TBC1D14: variants seen among roughly 807,000 people sequenced by gnomAD.
TBC1D14 encodes the protein TBC1 domain family, member 14.
Under a neutral mutation model 79.0 loss-of-function variants are expected in TBC1D14, and 26 were observed. The ratio of observed to expected loss-of-function variants is 0.33; its 90% CI spans 0.24 to 0.46. The LOEUF (loss-of-function observed/expected upper bound fraction) is 0.46. Among genes scored for constraint, TBC1D14 ranks in the 20% least tolerant of loss-of-function variants. The probability of loss-of-function intolerance (pLI) is 1.00; values close to 1 mark genes in which losing one functional copy is unlikely to be tolerated. For missense variants in TBC1D14, 769 were observed against 887.6 expected, an observed-to-expected ratio of 0.87 and a Z score of 1.70; for synonymous variants, 394 against 349.9, an observed-to-expected ratio of 1.13 and a Z score of -1.40.
chr4:6,998,292 G>A (rs1317440427), intron 5 of TBC1D14, among the ~76,000 whole-genome samples: 4 of 151,690 alleles, frequency 2.6e-5, no homozygotes, highest in East Asian at 2.0e-4. Context: ...CCCGGGAGGC[G>A]GAGGTTTCAG....
At chr4:6,970,907 T>C (rs1439144934) in intron 3 of TBC1D14, among the ~76,000 whole-genome samples, 280 of 89,646 alleles carry the variant, frequency 3.1e-3, no homozygotes, top group Middle Eastern at 9.3e-3. Context: ...GAGCCCGTGG[T>C]TGAGCTGGGG....
chr4:6,960,774 G>A (rs937264492), intron 2 of TBC1D14, among the ~76,000 whole-genome samples: 9 of 152,196 alleles, frequency 5.9e-5, no homozygotes, highest in Non-Finnish European at 1.2e-4. Flanking sequence ...GCCTCCAGGC[G>A]GTTTGCTGTT....
chr4:7,003,778 A>C (rs77243525), intron 7 of TBC1D14, among the ~76,000 whole-genome samples: 1 of 134,316 alleles, frequency 7.4e-6, no homozygotes, highest in Non-Finnish European at 1.6e-5. Flanking sequence ...GGCAGGGGGG[A>C]ATCACCTGAG....
Position 6,925,454 on chromosome 4 carries a change from G to A in TBC1D14, c.722+1343G>A, listed in dbSNP as rs569235421. Reference sequence around the variant, plus strand: ...GTGTCCCTTTGAGATGGTGTGGTGTGCCGGCTGGAGTCAGCTGGCGACTCT... The same window carrying A: ...GTGTCCCTTTGAGATGGTGTGGTGTACCGGCTGGAGTCAGCTGGCGACTCT... On this transcript the variant is annotated intron_variant, in intron 2 of 13. Coordinates refer to ENST00000409757, the MANE Select transcript of TBC1D14 (RefSeq NM_020773.3). 7.9e-5 allele frequency among the ~76,000 whole-genome samples: 12 copies of A among 152,276 alleles called. No individual in the cohort carries two copies. The South Asian group carries it at 2.5e-3, about 32-fold the overall frequency.
intron 2 of TBC1D14, among the ~76,000 whole-genome samples, chr4:6,950,200 T>C (rs1305429129): frequency 6.6e-6 from 1 of 152,246 alleles, no homozygotes; most frequent in Non-Finnish European, 1.5e-5. Flanking sequence ...CTGAGAATGA[T>C]GGCTTCCAGC....
intron 2 of TBC1D14, among the ~76,000 whole-genome samples, chr4:6,956,997 A>G (rs547774413): frequency 1.3e-4 from 20 of 152,352 alleles, no homozygotes; most frequent in African/African-American, 4.6e-4. Flanking sequence ...CACACCCCAC[A>G]GCTTTGCCTT....
intron 1 of TBC1D14, among the ~76,000 whole-genome samples, chr4:6,912,076 A>T (rs1723039994): frequency 6.6e-6 from 1 of 152,118 alleles, no homozygotes; most frequent in Non-Finnish European, 1.5e-5. Flanking sequence ...CCAGCTTAAC[A>T]TTTGTTTTAG....
At chr4:7,010,528 G>T in intron 10 of TBC1D14, 125 bp from the exon 11 acceptor site, 1 of 1,187,078 alleles carries the variant, frequency 8.4e-7, no homozygotes, top group Admixed American at 2.9e-5. Context: ...GGTGGCCGGA[G>T]GAGTGGGGCG....
At chr4:6,975,620 G>A (rs1716651072) in intron 3 of TBC1D14, among the ~76,000 whole-genome samples, 1 of 152,192 alleles carries the variant, frequency 6.6e-6, no homozygotes, top group Non-Finnish European at 1.5e-5. Context: ...AAGTAAGGGT[G>A]CACACTTCTG....
intron 3 of TBC1D14, among the ~76,000 whole-genome samples, chr4:6,981,377 C>T (rs1717362193): frequency 6.6e-6 from 1 of 152,132 alleles, no homozygotes; most frequent in South Asian, 2.1e-4. Flanking sequence ...AATTGCAAAT[C>T]ACCAAAATTC....
intron 2 of TBC1D14, among the ~76,000 whole-genome samples, chr4:6,958,427 T>C (rs1217666386): frequency 7.1e-6 from 1 of 141,292 alleles, no homozygotes; most frequent in East Asian, 1.9e-4. Context: ...AATCTTTTTA[T>C]GCTTTATTTA....
chr4:6,952,096 C>T (rs1714092745), intron 2 of TBC1D14, among the ~76,000 whole-genome samples: 1 of 152,096 alleles, frequency 6.6e-6, no homozygotes. Flanking sequence ...TTTGAAACTC[C>T]CTGGGTAGTG....
rs569579997 is a variant in TBC1D14, at chr4:6,935,331, A to T, written c.722+11220A>T. ...CCTAGTAAGAGAATAAGAGGTGAAC[A>T]TATCCGGGAGAAGAGAGAATCACTG... On this transcript the variant is annotated intron_variant, in intron 2 of 13. Transcript: ENST00000409757. Among the ~76,000 whole-genome samples, 18 of 152,252 alleles carry T rather than the reference A, an allele frequency of 1.2e-4. No individual in the cohort carries two copies. The East Asian group carries it at 3.5e-3, about 29-fold the overall frequency.
intron 3 of TBC1D14, among the ~76,000 whole-genome samples, chr4:6,982,341 AG>A (rs1429649060): frequency 2.6e-4 from 39 of 152,344 alleles, no homozygotes; most frequent in African/African-American, 7.7e-4. Context: ...GGTAAAAGTC[AG>A]TCTCGAAAGT....
At chr4:6,996,205 A>T in intron 4 of TBC1D14, 120 bp from the exon 5 acceptor site, 1 of 754,464 alleles carries the variant, frequency 1.3e-6, no homozygotes, top group Non-Finnish European at 2.2e-6. Flanking sequence ...GTGTAATCTT[A>T]AAAAAATGAG....
At chr4:6,943,148 C>T (rs1479036634) in intron 2 of TBC1D14, among the ~76,000 whole-genome samples, 1 of 150,716 alleles carries the variant, frequency 6.6e-6, no homozygotes, top group African/African-American at 2.4e-5. Flanking sequence ...GTGTAGGGAC[C>T]AGTGTGGGAG....
chr4:6,980,926 A>G (rs910757505), intron 3 of TBC1D14, among the ~76,000 whole-genome samples: 36 of 151,616 alleles, frequency 2.4e-4, no homozygotes, highest in African/African-American at 8.7e-4. Context: ...CGTGTTAGCC[A>G]GGATGGTCTC....
intron 1 of TBC1D14, among the ~76,000 whole-genome samples, chr4:6,920,208 C>T (rs1044678723): frequency 6.6e-6 from 1 of 152,116 alleles, no homozygotes; most frequent in African/African-American, 2.4e-5. Flanking sequence ...ATTTTTGACT[C>T]AGCGCTGCAC....
At chr4:7,029,097 C>A (rs1156934626) in intron 13 of TBC1D14, among the ~76,000 whole-genome samples, 2 of 152,198 alleles carry the variant, frequency 1.3e-5, no homozygotes, top group African/African-American at 4.8e-5. Flanking sequence ...CCCTTGGCCT[C>A]CCAAAGTGCT....
Sources: gnomAD v4.1 joint callset for allele counts (sites outside exome capture counted in the v4.1 genomes callset) on GRCh38, gnomAD v4.1.1 for gene constraint, MANE v1.5 for transcripts, NCBI Gene and HGNC (gene_info 2026-07-23, HGNC 2026-07-21) for gene names.